The following LAMA2 variants were observed in gnomAD, a reference collection of about 807,000 sequenced individuals.
LAMA2 encodes laminin subunit alpha 2.
Under a neutral mutation model 364.8 loss-of-function variants are expected in LAMA2, and 269 were observed. The observed-to-expected ratio is 0.74, with a 90% CI of 0.67 to 0.82. The LOEUF (loss-of-function observed/expected upper bound fraction) is 0.82, where lower values mean the gene tolerates loss of function less well. Ranked by LOEUF, LAMA2 falls within the 40% of genes least tolerant of loss-of-function variation. LAMA2 has a pLI of 0.00. For synonymous variants in LAMA2, 1,379 were observed against 1,370.6 expected (o/e 1.01, Z -0.14); for missense variants, 3,807 against 3,873.2 (o/e 0.98, Z 0.45).
In LAMA2 at chr6:129,514,495, T is replaced by C. The variant is rs777070146; in HGVS notation, c.9111T>C (p.Ile3037=). The change falls in exon 64 of 65, where the codon ATT becomes ATC. Residue 3037 remains isoleucine, a synonymous_variant. Transcript: ENST00000421865. ...CTGCCAACAAGATCAAACACCGCAT[T>C]GAGCTCACAGTCGATGGGAACCAGG... is the stretch of plus-strand genomic sequence containing the variant. ...KVTANKIKHR[I]ELTVDGNQVE... 7.4e-6 allele frequency: 12 copies of C among 1,613,376 alleles called. No individual in the cohort carries two copies. In the Admixed American group the frequency reaches 1.8e-4, roughly 25 times the overall value.
chr6:129,011,280 G>A (rs932699357), intron 1 of LAMA2, among the ~76,000 whole-genome samples: 1 of 152,168 alleles, frequency 6.6e-6, no homozygotes, highest in African/African-American at 2.4e-5. Context: ...CCTTTCTAGA[G>A]AGTAACTGAA....
chr6:129,132,192 A>G (rs1452912081), intron 4 of LAMA2, among the ~76,000 whole-genome samples: 6 of 148,442 alleles, frequency 4.0e-5, no homozygotes, highest in African/African-American at 1.5e-4. Context: ...TTTGAGACAG[A>G]GTCTCGCTCT....
In LAMA2 at chr6:129,149,853, A is replaced by G. The variant is rs570316483; in HGVS notation, c.1027+757A>G. 2.0e-4 allele frequency among the ~76,000 whole-genome samples: 31 copies of G among 152,244 alleles called. 3 individuals are homozygous for G. The South Asian group carries it at 6.2e-3, about 31-fold the overall frequency. ...ATATAGCATTTACATTTTGTTAGGT[A>G]TTATAAGTAATCTAGAGATGATCTA... On this transcript the variant is annotated intron_variant, in intron 7 of 64. Coordinates refer to ENST00000421865, the MANE Select transcript of LAMA2 (RefSeq NM_000426.4).
intron 12 of LAMA2, among the ~76,000 whole-genome samples, chr6:129,243,427 A>G (rs1444680866): frequency 6.6e-6 from 1 of 152,080 alleles, no homozygotes; most frequent in Non-Finnish European, 1.5e-5. Context: ...GATAAGAAAC[A>G]CTGTATATAA....
At chr6:129,499,952 C>T (rs1382437512) in intron 58 of LAMA2, among the ~76,000 whole-genome samples, 1 of 152,026 alleles carries the variant, frequency 6.6e-6, no homozygotes, top group Non-Finnish European at 1.5e-5. Context: ...CAGGGGTCCT[C>T]ACTTTGTTGC....
intron 15 of LAMA2, among the ~76,000 whole-genome samples, chr6:129,263,463 C>T (rs1049620468): frequency 2.0e-5 from 3 of 152,010 alleles, no homozygotes; most frequent in Admixed American, 6.6e-5. Context: ...ACAGCTAAAT[C>T]GAGTGTTGAA....
chr6:129,217,925 G>A (rs941883138), intron 12 of LAMA2, among the ~76,000 whole-genome samples: 1 of 151,972 alleles, frequency 6.6e-6, no homozygotes, highest in African/African-American at 2.4e-5. Flanking sequence ...AAAGTCCTTT[G>A]AGAAAAATAA....
intron 1 of LAMA2, among the ~76,000 whole-genome samples, chr6:128,943,205 CTGTT>C (rs563745692): frequency 1.8e-4 from 28 of 152,124 alleles, no homozygotes; most frequent in African/African-American, 5.3e-4. Context: ...GACTGTCTCT[CTGTT>C]TGTATATATA....
At chr6:129,500,778 A>C (rs1184990683) in intron 58 of LAMA2, among the ~76,000 whole-genome samples, 5 of 152,124 alleles carry the variant, frequency 3.3e-5, no homozygotes, top group Admixed American at 3.3e-4. Flanking sequence ...AGCAATCCAA[A>C]AGTTCCCCAT....
chr6:129,375,090 G>T (rs766225476), intron 34 of LAMA2, among the ~76,000 whole-genome samples: 4 of 151,990 alleles, frequency 2.6e-5, no homozygotes, highest in Non-Finnish European at 4.4e-5. Flanking sequence ...CCTGGGTAAA[G>T]AAGACATTAT....
chr6:129,450,691 G>A (rs1241725260), intron 45 of LAMA2, among the ~76,000 whole-genome samples: 3 of 152,160 alleles, frequency 2.0e-5, no homozygotes, highest in Admixed American at 2.0e-4. Context: ...ATAGGGCCAA[G>A]CTATAAAGCA....
At chr6:129,151,316 C>T (rs1277782328) in intron 7 of LAMA2, among the ~76,000 whole-genome samples, 2 of 152,150 alleles carry the variant, frequency 1.3e-5, no homozygotes, top group African/African-American at 4.8e-5. Context: ...GTCTATGTTA[C>T]TTTATGTTTT....
chr6:128,901,269 A>G (rs1777066892), intron 1 of LAMA2, among the ~76,000 whole-genome samples: 1 of 152,236 alleles, frequency 6.6e-6, no homozygotes, highest in South Asian at 2.1e-4. Context: ...AAATATTGTT[A>G]TAATACTGCA....
At chr6:129,513,207 T>A (rs533479253) in intron 63 of LAMA2, among the ~76,000 whole-genome samples, 73 of 152,248 alleles carry the variant, frequency 4.8e-4, no homozygotes, top group African/African-American at 1.8e-3. Flanking sequence ...AGAAGAAAAA[T>A]CACACAGTGA....
chr6:129,391,860 A>G (rs1779344236), intron 36 of LAMA2, among the ~76,000 whole-genome samples: 1 of 151,624 alleles, frequency 6.6e-6, no homozygotes, highest in African/African-American at 2.4e-5. Context: ...TACTTATTTA[A>G]TTGTACTTTA....
intron 12 of LAMA2, among the ~76,000 whole-genome samples, chr6:129,219,972 TAATAAAATAAA>T (rs1420192715): frequency 1.3e-5 from 2 of 151,352 alleles, no homozygotes; most frequent in South Asian, 2.1e-4. Flanking sequence ...AGTATAATAA[TAATAAAATAAA>T]AATAAAATAA....
chr6:129,410,699 T>C (rs921383483), intron 40 of LAMA2, among the ~76,000 whole-genome samples: 5 of 151,172 alleles, frequency 3.3e-5, no homozygotes, highest in African/African-American at 7.3e-5. Flanking sequence ...AGATGATAGA[T>C]GGATGATAGA....
At chr6:129,131,128 C>T (rs575628737) in intron 4 of LAMA2, among the ~76,000 whole-genome samples, 1 of 152,298 alleles carries the variant, frequency 6.6e-6, no homozygotes, top group South Asian at 2.1e-4. Context: ...ATTCTGTGAA[C>T]TTGGCAGCAA....
At chr6:129,183,570 T>A in intron 10 of LAMA2, among the ~76,000 whole-genome samples, 1 of 151,952 alleles carries the variant, frequency 6.6e-6, no homozygotes, top group Admixed American at 6.6e-5. Flanking sequence ...TTGCTTAAAT[T>A]TCTTGAGTCT....
Sources: gnomAD v4.1 joint callset for allele counts (sites outside exome capture counted in the v4.1 genomes callset) on GRCh38, gnomAD v4.1.1 for gene constraint, MANE v1.5 for transcripts, NCBI Gene and HGNC (gene_info 2026-07-23, HGNC 2026-07-21) for gene names.